The following CNTLN variants were observed in gnomAD, a reference collection of about 807,000 sequenced individuals.
The protein encoded by CNTLN is centlein, centrosomal protein.
A neutral mutation model predicts 180.0 loss-of-function variants in CNTLN; 212 were observed. That is an observed-to-expected ratio of 1.18 (90% CI 1.05 to 1.32). CNTLN has a LOEUF of 1.32. Among genes scored for constraint, CNTLN ranks in the 40% most tolerant of loss-of-function variants. The pLI, the probability that CNTLN is intolerant of heterozygous loss-of-function variation, is 0.00. For missense variants in CNTLN, 2,095 were observed against 1,610.9 expected (o/e 1.30, Z -5.14); for synonymous variants, 722 against 563.1 (o/e 1.28, Z -3.99).
chr9:17,510,426 C>A, the CNTLN span, among the ~76,000 whole-genome samples: 12 of 152,224 alleles, frequency 7.9e-5, no homozygotes, highest in African/African-American at 2.6e-4. Flanking sequence ...GTGTGTCAAC[C>A]TGATTGGGTC....
chr9:17,484,844 T>C (rs551005880), intron 24 of CNTLN, among the ~76,000 whole-genome samples: 53 of 152,262 alleles, frequency 3.5e-4, no homozygotes, highest in Middle Eastern at 3.4e-3. Context: ...TCCATTGATT[T>C]GAAGTTTTTT....
At chr9:17,374,818 C>G (rs1824617651) in intron 13 of CNTLN, among the ~76,000 whole-genome samples, 1 of 151,620 alleles carries the variant, frequency 6.6e-6, no homozygotes, top group African/African-American at 2.4e-5. Context: ...CGAGATTATG[C>G]CACTGCACTC....
At chr9:17,238,382 G>A (rs1825283366) in intron 5 of CNTLN, among the ~76,000 whole-genome samples, 3 of 152,076 alleles carry the variant, frequency 2.0e-5, no homozygotes, top group Non-Finnish European at 2.9e-5. Context: ...CAATACCCAC[G>A]GAAGCAGCAA....
intron 25 of CNTLN, among the ~76,000 whole-genome samples, chr9:17,492,963 T>C (rs1833249814): frequency 6.6e-6 from 1 of 152,184 alleles, no homozygotes; most frequent in Non-Finnish European, 1.5e-5. Flanking sequence ...GACATTATGC[T>C]AAGTGAAATA....
At chr9:17,370,504 G>A (rs1358036699) in intron 13 of CNTLN, among the ~76,000 whole-genome samples, 1 of 152,092 alleles carries the variant, frequency 6.6e-6, no homozygotes, top group Non-Finnish European at 1.5e-5. Flanking sequence ...GCTTTGACAG[G>A]CAAACAAAAG....
chr9:17,384,868 A>G (rs2133624127), intron 13 of CNTLN, among the ~76,000 whole-genome samples: 1 of 151,902 alleles, frequency 6.6e-6, no homozygotes, highest in East Asian at 1.9e-4. Flanking sequence ...GCTTCTCTAA[A>G]CTCCAATTGG....
intron 2 of CNTLN, chr9:17,166,806 A>G: frequency 7.7e-6 from 3 of 390,116 alleles, no homozygotes; most frequent in Non-Finnish European, 1.0e-5. Flanking sequence ...ATCTCCCATT[A>G]CATATTCTTA....
In CNTLN at chr9:17,211,014, G is replaced by A. The variant is rs113304201; in HGVS notation, c.450-15189G>A. On this transcript the variant is annotated intron_variant, in intron 2 of 25. Coordinates refer to ENST00000380647, the MANE Select transcript of CNTLN (RefSeq NM_017738.4). Reference sequence around the variant, plus strand: ...CTCCCATTGTGCAGTTTGCCTGTTCGCTCTGATGGTAGTTTCTTTTGCTGT... The same window carrying A: ...CTCCCATTGTGCAGTTTGCCTGTTCACTCTGATGGTAGTTTCTTTTGCTGT... Among the ~76,000 whole-genome samples, 19 of 152,154 alleles carry A rather than the reference G, an allele frequency of 1.2e-4. 2 individuals carry two copies. Among genetic ancestry groups the A allele is most frequent in the South Asian group, 1.0e-3 (5 of 4,818 alleles).
intron 5 of CNTLN, among the ~76,000 whole-genome samples, chr9:17,265,970 T>G (rs1264562681): frequency 6.6e-6 from 1 of 152,168 alleles, no homozygotes; most frequent in Non-Finnish European, 1.5e-5. Flanking sequence ...TCAATTTTGT[T>G]GATCTTTTCA....
chr9:17,211,514 C>G (rs1823309661), intron 2 of CNTLN, among the ~76,000 whole-genome samples: 1 of 152,122 alleles, frequency 6.6e-6, no homozygotes, highest in African/African-American at 2.4e-5. Context: ...GTTCTTTTGG[C>G]TTAGGATTGT....
At chr9:17,359,725 CAAAAAA>C (rs1176814681) in intron 12 of CNTLN, among the ~76,000 whole-genome samples, 33 of 21,338 alleles carry the variant, frequency 1.5e-3, no homozygotes, top group Admixed American at 8.7e-3. Flanking sequence ...ACTAAAAATA[CAAAAAA>C]AAAAAAAAAA....
chr9:17,189,518 C>G (rs1821659947), intron 2 of CNTLN, among the ~76,000 whole-genome samples: 2 of 150,846 alleles, frequency 1.3e-5, no homozygotes, highest in Admixed American at 1.3e-4. Context: ...GATTCTCACT[C>G]TGTCACCCAG....
intron 1 of CNTLN, among the ~76,000 whole-genome samples, chr9:17,140,996 C>CA (rs769792834): frequency 6.6e-6 from 1 of 151,690 alleles, no homozygotes; most frequent in Non-Finnish European, 1.5e-5. Context: ...CTTGCTTTTT[C>CA]AAAAAAATCA....
chr9:17,222,298 T>G (rs1411318319), intron 2 of CNTLN, among the ~76,000 whole-genome samples: 1 of 152,028 alleles, frequency 6.6e-6, no homozygotes, highest in Non-Finnish European at 1.5e-5. Flanking sequence ...TCTAAAATAG[T>G]TCTTGTCAAG....
chr9:17,355,855 G>A (rs1822792861), intron 12 of CNTLN, among the ~76,000 whole-genome samples: 1 of 151,798 alleles, frequency 6.6e-6, no homozygotes, highest in Non-Finnish European at 1.5e-5. Context: ...ACGAGGTTAA[G>A]AGATCGAGAC....
intron 7 of CNTLN, chr9:17,298,873 C>T (rs1225815559): frequency 1.0e-6 from 1 of 985,274 alleles, no homozygotes; most frequent in Non-Finnish European, 1.2e-6. Flanking sequence ...TTTTAGGAGC[C>T]TTTCAAGAAG....
intron 5 of CNTLN, among the ~76,000 whole-genome samples, chr9:17,238,913 C>T (rs149255749): frequency 9.2e-5 from 14 of 152,164 alleles, no homozygotes; most frequent in East Asian, 3.9e-4. Flanking sequence ...AAAGCAGCTG[C>T]GACAGTTTAC....
chr9:17,264,256 A>C (rs1241354224), intron 5 of CNTLN, among the ~76,000 whole-genome samples: 2 of 149,536 alleles, frequency 1.3e-5, no homozygotes, highest in African/African-American at 5.0e-5. Flanking sequence ...TCAGCTTTCT[A>C]CATATGGCTA....
At chr9:17,281,876 C>G (rs1229436378) in intron 6 of CNTLN, among the ~76,000 whole-genome samples, 1 of 152,182 alleles carries the variant, frequency 6.6e-6, no homozygotes, top group African/African-American at 2.4e-5. Flanking sequence ...CTGTCTTCCA[C>G]AATGGTTGCA....
Sources: allele counts gnomAD v4.1 joint callset (sites outside exome capture counted in the v4.1 genomes callset), GRCh38; gene constraint gnomAD v4.1.1; transcripts MANE v1.5; gene names NCBI Gene and HGNC (gene_info 2026-07-23, HGNC 2026-07-21).